TSNARE1: variants seen among roughly 807,000 people sequenced by gnomAD.
The protein encoded by TSNARE1 is t-SNARE domain-containing protein 1.
A neutral mutation model predicts 62.0 loss-of-function variants in TSNARE1; 49 were observed. That is an observed-to-expected ratio of 0.79 (90% CI 0.63 to 1.00). TSNARE1 has a LOEUF of 1.00. Ranked by LOEUF, TSNARE1 falls within the 50% of genes least tolerant of loss-of-function variation. TSNARE1 has a pLI of 0.00. For synonymous variants in TSNARE1, 328 were observed against 294.4 expected, an observed-to-expected ratio of 1.11 and a Z score of -1.17; for missense variants, 755 against 700.1, an observed-to-expected ratio of 1.08 and a Z score of -0.88.
At chr8:142,380,898 G>GA (rs559833864) in intron 1 of TSNARE1, among the ~76,000 whole-genome samples, 49 of 150,072 alleles carry the variant, frequency 3.3e-4, no homozygotes, top group African/African-American at 1.2e-3. Context: ...AAAGGGGGGG[G>GA]AATGCTGCAA....
At chr8:142,374,531 T>G (rs1379199591) in intron 1 of TSNARE1, among the ~76,000 whole-genome samples, 1 of 151,454 alleles carries the variant, frequency 6.6e-6, no homozygotes, top group East Asian at 2.0e-4. Context: ...ACAAAAAAAT[T>G]AGCCAGGCGT....
chr8:142,222,097 CCACTCCACT>C (rs2129930044), intron 13 of TSNARE1, among the ~76,000 whole-genome samples: 1 of 26,752 alleles, frequency 3.7e-5, no homozygotes, highest in Non-Finnish European at 9.7e-5. Flanking sequence ...ACTCACTCAT[CCACTCCACT>C]CACTCATCCA....
In TSNARE1 at chr8:142,330,750, G is replaced by A. The variant is rs1383834067; in HGVS notation, c.893+151C>T. 48 of 715,116 alleles carry A rather than the reference G, an allele frequency of 6.7e-5. 1 individual carries two copies. The Admixed American group carries it at 7.2e-4, about 11-fold the overall frequency. The allele number at this position is 715,116 out of a possible 1,614,324, so 44.3% of individuals were successfully genotyped here. On this transcript the variant is annotated intron_variant, in intron 6 of 13. Transcript: ENST00000524325. ...ACTGACTAGGCTTATCCGCAGGCGT[G>A]TGTGCATATGTGCGCACATGTGTGT...
At chr8:142,318,471 C>G (rs1828928875) in intron 7 of TSNARE1, 73 bp downstream of exon 7, 1 of 1,446,534 alleles carries the variant, frequency 6.9e-7, no homozygotes. Flanking sequence ...CCTCGTGTGA[C>G]ATCCCTGCTC....
intron 12 of TSNARE1, among the ~76,000 whole-genome samples, chr8:142,235,704 T>A (rs538999836): frequency 6.6e-6 from 1 of 152,246 alleles, no homozygotes; most frequent in East Asian, 1.9e-4. Flanking sequence ...ATGACTTGGA[T>A]CTCAGGAATG....
chr8:142,253,631 C>G (rs1818286155), intron 12 of TSNARE1, among the ~76,000 whole-genome samples: 1 of 152,144 alleles, frequency 6.6e-6, no homozygotes, highest in African/African-American at 2.4e-5. Context: ...TCTGTGTTTG[C>G]CCCTGCCTCG....
At chr8:142,222,114 CCACTCATTCACT>C (rs1312760322) in intron 13 of TSNARE1, among the ~76,000 whole-genome samples, 2 of 121,282 alleles carry the variant, frequency 1.6e-5, no homozygotes, top group African/African-American at 3.2e-5. Flanking sequence ...ACTCACTCAT[CCACTCATTCACT>C]CACTCATCCA....
intron 1 of TSNARE1, among the ~76,000 whole-genome samples, chr8:142,399,599 GCGCCGGCCATGAGCT>G (rs1838141461): frequency 6.6e-6 from 1 of 152,204 alleles, no homozygotes; most frequent in Non-Finnish European, 1.5e-5. Flanking sequence ...TGGAGGGACA[GCGCCGGCCATGAGCT>G]CTCCAACTCT....
intron 1 of TSNARE1, among the ~76,000 whole-genome samples, chr8:142,362,535 G>A (rs1337383191): frequency 6.6e-6 from 1 of 152,162 alleles, no homozygotes; most frequent in Non-Finnish European, 1.5e-5. Flanking sequence ...TGGGGGCTGG[G>A]AAGTCCAAGA....
At chr8:142,237,232 T>C (rs1049342559) in intron 12 of TSNARE1, among the ~76,000 whole-genome samples, 1 of 152,130 alleles carries the variant, frequency 6.6e-6, no homozygotes, top group Admixed American at 6.5e-5. Context: ...GACCACTCTC[T>C]CCCTGGAGGG....
Position 142,335,030 on chromosome 8 carries a change from A to C in TSNARE1, c.746-3199T>G, listed in dbSNP as rs149716517. Among the ~76,000 whole-genome samples the C allele has an allele frequency of 5.7e-3, 875 of 152,354 alleles. 11 individuals carry two copies. The highest frequency in any genetic ancestry group is 0.02 in the African/African-American group (834 of 41,580). On this transcript the variant is annotated intron_variant, in intron 4 of 13. Coordinates refer to ENST00000524325, the MANE Select transcript of TSNARE1 (RefSeq NM_145003.5). ...TGGTAAATAGAAAAAAGATACGTTC[A>C]TTTATTTAAAACACTATCGATTGTA...
chr8:142,300,763 G>GGACGATCTGGGTCTGTGGC, intron 9 of TSNARE1, 119 bp from the exon 10 acceptor site: 1 of 1,212,112 alleles, frequency 8.3e-7, no homozygotes, highest in Non-Finnish European at 1.1e-6. Flanking sequence ...CTCTCTGAGG[G>GGACGATCTGGGTCTGTGGC]GACGATCTGG....
chr8:142,292,116 G>A (rs1182693462), intron 10 of TSNARE1, among the ~76,000 whole-genome samples: 2 of 152,090 alleles, frequency 1.3e-5, no homozygotes, highest in African/African-American at 4.8e-5. Context: ...CATGGGAGAG[G>A]CCAAGCGTGG....
intron 12 of TSNARE1, among the ~76,000 whole-genome samples, chr8:142,235,205 G>A (rs974464588): frequency 6.6e-6 from 1 of 151,406 alleles, no homozygotes; most frequent in Admixed American, 6.7e-5. Context: ...ATACCCGCAG[G>A]CCCCAGAGAA....
intron 11 of TSNARE1, chr8:142,280,325 CT>C (rs1821207748): frequency 3.0e-6 from 3 of 985,276 alleles, no homozygotes; most frequent in Non-Finnish European, 3.6e-6. Flanking sequence ...CTGCTGGACC[CT>C]GGAAAGGCAC....
chr8:142,315,230 C>T (rs779024275), intron 7 of TSNARE1, 138 bp from the exon 8 acceptor site: 19 of 827,126 alleles, frequency 2.3e-5, no homozygotes, highest in Middle Eastern at 3.4e-4. Context: ...ACTTCCCCTC[C>T]GTGTCACCGT....
intron 11 of TSNARE1, chr8:142,277,829 T>C: frequency 6.1e-6 from 6 of 985,264 alleles, no homozygotes; most frequent in Non-Finnish European, 6.0e-6. Flanking sequence ...CCTGAGTTCC[T>C]GCAGCCTCCA....
intron 12 of TSNARE1, among the ~76,000 whole-genome samples, chr8:142,251,417 C>T (rs2130284147): frequency 6.6e-6 from 1 of 151,214 alleles, no homozygotes; most frequent in East Asian, 2.0e-4. Context: ...CAAAGCGTGG[C>T]CCTGCTGCTC....
intron 13 of TSNARE1, among the ~76,000 whole-genome samples, chr8:142,221,685 TCACTCACTCATC>T (rs1272012845): frequency 0.19 from 515 of 2,716 alleles, 117 homozygotes; most frequent in African/African-American, 0.33. Context: ...ACTCATCCAC[TCACTCACTCATC>T]CACTCACTCA....
Sources: gnomAD v4.1 joint callset for allele counts (sites outside exome capture counted in the v4.1 genomes callset) on GRCh38, gnomAD v4.1.1 for gene constraint, MANE v1.5 for transcripts, NCBI Gene and HGNC (gene_info 2026-07-23, HGNC 2026-07-21) for gene names.